The following GTF3C6 variants were observed in gnomAD, a reference collection of about 807,000 sequenced individuals.
GTF3C6 encodes general transcription factor 3C polypeptide 6.
Under a neutral mutation model 19.2 loss-of-function variants are expected in GTF3C6, and 11 were observed. That is an observed-to-expected ratio of 0.57 (90% confidence interval 0.36 to 0.95). The LOEUF (loss-of-function observed/expected upper bound fraction) is 0.95. GTF3C6 is among the 40% of genes least tolerant of loss of function. The pLI is 0.01. For missense variants in GTF3C6, 222 were observed against 254.7 expected (o/e 0.87, Z 0.87); for synonymous variants, 87 against 84.2 (o/e 1.03, Z -0.18).
chr6:110,962,852 C>T (rs957311583), intron 5 of GTF3C6, among the ~76,000 whole-genome samples: 31 of 152,272 alleles, frequency 2.0e-4, no homozygotes, highest in African/African-American at 6.7e-4. Flanking sequence ...GATCTCGGCT[C>T]ACTGCAACCT....
intron 5 of GTF3C6, among the ~76,000 whole-genome samples, chr6:110,966,983 GTC>G (rs1476505714): frequency 6.6e-6 from 1 of 151,802 alleles, no homozygotes; most frequent in Admixed American, 6.6e-5. Flanking sequence ...GTGAAATTCC[GTC>G]TCTATTGAAA....
chr6:110,966,298 A>AC (rs1013398601), intron 5 of GTF3C6, among the ~76,000 whole-genome samples: 53 of 151,898 alleles, frequency 3.5e-4, no homozygotes, highest in Admixed American at 7.9e-4. Context: ...ATATGGTGAG[A>AC]CCCCCCATTT....
At position 110,967,622 on chromosome 6, in the gene GTF3C6, T is replaced by TGGTAGCTTCC; in HGVS notation, c.474_475insGGTAGCTTCC (p.Lys159GlyfsTer24). ...AAGAAGTGGTAGCTTCAGCCCCAGA[T>TGGTAGCTTCC]AAATCTTTGGAATTGGAAGAGGAAG... is the stretch of plus-strand genomic sequence containing the variant. On this transcript the variant is annotated frameshift_variant, in exon 6 of 6. Coordinates refer to ENST00000329970, the MANE Select transcript of GTF3C6 (RefSeq NM_138408.4). LOFTEE classifies it low-confidence loss of function (END_TRUNC). 1 of 1,614,152 alleles carries TGGTAGCTTCC rather than the reference T, an allele frequency of 6.2e-7. No homozygotes were observed. Among genetic ancestry groups the TGGTAGCTTCC allele is most frequent in the East Asian group, 2.2e-5 (1 of 44,870 alleles).
At position 110,959,264 on chromosome 6, in the gene GTF3C6, A is replaced by T; in HGVS notation, c.138+12A>T. 1 of 1,522,230 alleles carries T rather than the reference A, an allele frequency of 6.6e-7. No homozygotes were observed. Among genetic ancestry groups the T allele is most frequent in the Non-Finnish European group, 9.1e-7 (1 of 1,098,046 alleles). The allele number at this position is 1,522,230 out of a possible 1,614,324, so 94.3% of individuals were successfully genotyped here. Reference sequence around the variant, plus strand: ...AATGCAAGGTTTTGGTGAGTTTTCTAGACTTGGGGGGATTGTTCTAGAGTG... The same window carrying T: ...AATGCAAGGTTTTGGTGAGTTTTCTTGACTTGGGGGGATTGTTCTAGAGTG... On this transcript the variant is annotated intron_variant, in intron 2 of 5. Coordinates refer to ENST00000329970, the MANE Select transcript of GTF3C6 (RefSeq NM_138408.4).
At chr6:110,962,769 A>ATT (rs199872737) in intron 5 of GTF3C6, among the ~76,000 whole-genome samples, 1 of 148,864 alleles carries the variant, frequency 6.7e-6, no homozygotes, top group Non-Finnish European at 1.5e-5. Context: ...CGCCCAGCCA[A>ATT]TTTTCTTTTT....
rs566665012 is a variant in GTF3C6 at position 110,967,625 on chromosome 6, A to G, written c.477A>G (p.Lys159=). ...AAGTGGTAGCTTCAGCCCCAGATAAATCTTTGGAATTGGAAGAGGAAGAGA... is the reference window on the plus strand; with the variant it reads ...AAGTGGTAGCTTCAGCCCCAGATAAGTCTTTGGAATTGGAAGAGGAAGAGA... ...DEEVVASAPD[K]SLELEEEEIQ... The change falls in exon 6 of 6, where the codon AAA becomes AAG. Residue 159 remains lysine (K), a synonymous_variant. Coordinates refer to ENST00000329970, the MANE Select transcript of GTF3C6 (RefSeq NM_138408.4). 3 of 1,614,148 alleles carry G rather than the reference A, an allele frequency of 1.9e-6. No homozygotes were observed. Among genetic ancestry groups the G allele is most frequent in the East Asian group, 4.5e-5 (2 of 44,870 alleles).
intron 5 of GTF3C6, among the ~76,000 whole-genome samples, chr6:110,965,045 G>C (rs1771213191): frequency 6.6e-6 from 1 of 151,502 alleles, no homozygotes. Context: ...TGTTGGTCAG[G>C]CTGGTCTCGA....
intron 5 of GTF3C6, among the ~76,000 whole-genome samples, chr6:110,965,448 G>GTATT (rs113987594): frequency 0.35 from 53,328 of 151,762 alleles, 10,227 homozygotes; most frequent in East Asian, 0.67. Flanking sequence ...CTCATGATGA[G>GTATT]TATAGCTTAA....
chr6:110,966,820 A>G (rs1771234565), intron 5 of GTF3C6, among the ~76,000 whole-genome samples: 2 of 141,080 alleles, frequency 1.4e-5, no homozygotes, highest in South Asian at 2.4e-4. Flanking sequence ...TTATTGCGGG[A>G]AAAAAATATG....
rs910282969 is a variant in GTF3C6 at position 110,958,798 on chromosome 6, C to G, written c.29C>G (p.Pro10Arg). 1.3e-6 allele frequency: 2 copies of G among 1,551,038 alleles called. No individual in the cohort carries two copies. Among genetic ancestry groups the G allele is most frequent in the African/African-American group, 1.4e-5 (1 of 73,106 alleles). Residue 10 changes from proline (P) to arginine (R), a missense_variant, in exon 1 of 6, where the codon CCA (proline) becomes CGA (arginine). Pro to Arg is a moderately radical substitution (Grantham distance 103). Transcript: ENST00000329970. MAAAADERS[P>R]EDGEDEEEEE... ...GCGGCGGCGGCGGACGAGCGGAGTC[C>G]AGAGGACGGAGAAGACGAGGAAGAG...
chr6:110,962,313 C>T, intron 4 of GTF3C6, 79 bp from the exon 5 acceptor site: 1 of 740,090 alleles, frequency 1.4e-6, no homozygotes, highest in South Asian at 1.6e-5. Context: ...TGACTCCCTA[C>T]ACTGGAATTA....
intron 5 of GTF3C6, among the ~76,000 whole-genome samples, chr6:110,966,797 TAGG>T (rs1771234109): frequency 6.6e-6 from 1 of 151,832 alleles, no homozygotes; most frequent in South Asian, 2.1e-4. Context: ...TCTGGCTGAC[TAGG>T]AGAACGATGT....
chr6:110,962,728 G>A (rs1045645241), intron 5 of GTF3C6, among the ~76,000 whole-genome samples: 4 of 151,974 alleles, frequency 2.6e-5, no homozygotes, highest in African/African-American at 9.7e-5. Flanking sequence ...CCAGGCTCCT[G>A]AGCAACAGGG....
At chr6:110,960,329 G>T in intron 2 of GTF3C6, 85 bp from the exon 3 acceptor site, 1 of 1,186,578 alleles carries the variant, frequency 8.4e-7, no homozygotes. Context: ...CAGTTTTGGA[G>T]ATTAGTTTCC....
chr6:110,958,732 G>T lies in GTF3C6; in HGVS notation c.-38G>T. The T allele has an allele frequency of 1.9e-6, 3 of 1,549,460 alleles. No individual in the cohort carries two copies. Among genetic ancestry groups the T allele is most frequent in the Non-Finnish European group, 2.6e-6 (3 of 1,146,408 alleles). On this transcript the variant is annotated 5_prime_UTR_variant, in exon 1 of 6. Coordinates refer to ENST00000329970, the MANE Select transcript of GTF3C6 (RefSeq NM_138408.4). ...TACTCAAGATGGCGGCTCCGGGCGG[G>T]CGTGGCCAGTGACTAGAAGGCGAGG...
At chr6:110,961,813 C>T (rs537946422) in intron 4 of GTF3C6, among the ~76,000 whole-genome samples, 2 of 152,294 alleles carry the variant, frequency 1.3e-5, no homozygotes, top group South Asian at 2.1e-4. Flanking sequence ...CCTGTTAGAC[C>T]TATGGGTTTA....
intron 1 of GTF3C6, 138 bp downstream of exon 1, chr6:110,958,964 G>A: frequency 1.9e-6 from 2 of 1,041,194 alleles, no homozygotes; most frequent in South Asian, 3.0e-5. Context: ...TCCTGGGCGC[G>A]AGGAGCCGGG....
chr6:110,961,997 G>A (rs1361364941), intron 4 of GTF3C6, among the ~76,000 whole-genome samples: 1 of 152,014 alleles, frequency 6.6e-6, no homozygotes, highest in African/African-American at 2.4e-5. Context: ...CCGCCTCCTG[G>A]GTTCAAGCAT....
At chr6:110,959,045 A>G in intron 1 of GTF3C6, 127 bp from the exon 2 acceptor site, 1 of 852,436 alleles carries the variant, frequency 1.2e-6, no homozygotes, top group South Asian at 1.4e-5. Context: ...TACCTTAGGT[A>G]GCGTAGTTTC....
Sources: allele counts gnomAD v4.1 joint callset (sites outside exome capture counted in the v4.1 genomes callset), GRCh38; gene constraint gnomAD v4.1.1; transcripts MANE v1.5; gene names NCBI Gene and HGNC (gene_info 2026-07-23, HGNC 2026-07-21).